RAD9B: variants seen among roughly 807,000 people sequenced by gnomAD.
RAD9B encodes RAD9 checkpoint clamp component B.
A neutral mutation model predicts 48.3 loss-of-function variants in RAD9B; 41 were observed. That is an observed-to-expected ratio of 0.85 (90% confidence interval 0.66 to 1.10). RAD9B has a LOEUF of 1.10. RAD9B is among the 50% of genes least tolerant of loss of function. The probability of loss-of-function intolerance (pLI) is 0.00; values close to 1 mark genes in which losing one functional copy is unlikely to be tolerated. For synonymous variants in RAD9B, 160 were observed against 157.9 expected (o/e 1.01, Z -0.10); for missense variants, 444 against 485.1 (o/e 0.92, Z 0.80).
At chr12:110,512,926 T>C (rs1244605342) in intron 5 of RAD9B, 48 bp downstream of exon 5, 3 of 915,410 alleles carry the variant, frequency 3.3e-6, no homozygotes, top group African/African-American at 1.7e-5. Flanking sequence ...TACAGTATGA[T>C]CATGGAGTGA....
chr12:110,515,209 C>G, intron 6 of RAD9B, 53 bp downstream of exon 6: 3 of 873,142 alleles, frequency 3.4e-6, no homozygotes, highest in Non-Finnish European at 5.5e-6. Context: ...TCCTGTCTCT[C>G]GATTACTAAC....
At chr12:110,529,945 T>C (rs2064078289) in intron 10 of RAD9B, among the ~76,000 whole-genome samples, 1 of 152,194 alleles carries the variant, frequency 6.6e-6, no homozygotes, top group Non-Finnish European at 1.5e-5. Context: ...CTCTCAGTTC[T>C]GGTGGAAGCT....
At chr12:110,517,509 A>G (rs890395805) in intron 6 of RAD9B, among the ~76,000 whole-genome samples, 9 of 152,012 alleles carry the variant, frequency 5.9e-5, no homozygotes, top group Admixed American at 5.2e-4. Flanking sequence ...CTATAGTCCC[A>G]GTTACTCAGG....
chr12:110,513,291 G>A (rs1593065091), intron 5 of RAD9B, among the ~76,000 whole-genome samples: 1 of 151,470 alleles, frequency 6.6e-6, no homozygotes, highest in Non-Finnish European at 1.5e-5. Context: ...TTTTTAAGCT[G>A]AAATTTGACT....
At position 110,522,261 on chromosome 12, in the gene RAD9B, G is replaced by T; in HGVS notation, c.975G>T (p.Arg325Ser). ...TTTCAAAAAAAGCAGCACCAAGAAGGCTTTATCCTAAGGAGACTCTCACAA... is the reference window on the plus strand; with the variant it reads ...TTTCAAAAAAAGCAGCACCAAGAAGTCTTTATCCTAAGGAGACTCTCACAA... ...ECISKKAAPR[R>S]LYPKETLTNI... is the part of the protein sequence containing the mutation. The change falls in exon 10 of 11, where the codon AGG (arginine) becomes AGT (serine). Residue 325 changes from arginine to serine, a missense_variant. Coordinates refer to ENST00000409300, the MANE Select transcript of RAD9B (RefSeq NM_001286535.2). The T allele has an allele frequency of 6.2e-7, 1 of 1,612,546 alleles. No homozygotes were observed. The highest frequency in any genetic ancestry group is 8.5e-7 in the Non-Finnish European group (1 of 1,179,334).
intron 4 of RAD9B, among the ~76,000 whole-genome samples, chr12:110,509,574 TG>T (rs2063399627): frequency 6.6e-6 from 1 of 152,146 alleles, no homozygotes; most frequent in East Asian, 1.9e-4. Flanking sequence ...ATGCCCAGCC[TG>T]GGATGGCAGT....
chr12:110,511,331 G>C (rs756295313), intron 4 of RAD9B: 1 of 206,338 alleles, frequency 4.8e-6, no homozygotes, highest in Non-Finnish European at 1.1e-5. Flanking sequence ...ATCAAGCTAA[G>C]TGTCTATTAG....
intron 10 of RAD9B, among the ~76,000 whole-genome samples, chr12:110,526,881 C>T (rs1357335402): frequency 6.7e-6 from 1 of 149,160 alleles, no homozygotes; most frequent in African/African-American, 2.5e-5. Flanking sequence ...CGCACTCCAG[C>T]CTAGGCGACA....
At chr12:110,506,106 G>A (rs1453453595) in intron 3 of RAD9B, among the ~76,000 whole-genome samples, 2 of 151,974 alleles carry the variant, frequency 1.3e-5, no homozygotes, top group Non-Finnish European at 2.9e-5. Flanking sequence ...GGCTGGTCTT[G>A]AACTCCTGAC....
rs185806287 is a variant in RAD9B at position 110,507,263 on chromosome 12, G to A, written c.388+570G>A. The stretch of plus-strand genomic sequence containing the variant: ...GTGGCACAAGCTTTGCCTGCATACA[G>A]CCTAATTTTTTTCAAATATCCGTAT... On this transcript the variant is annotated intron_variant, in intron 4 of 10. Transcript: ENST00000409300. Among the ~76,000 whole-genome samples the A allele has an allele frequency of 2.1e-3, 322 of 150,384 alleles. 1 individual carries two copies. Among genetic ancestry groups the A allele is most frequent in the African/African-American group, 7.6e-3 (310 of 40,954 alleles).
chr12:110,512,908 C>T, intron 5 of RAD9B, 30 bp downstream of exon 5: 2 of 1,039,558 alleles, frequency 1.9e-6, no homozygotes, highest in South Asian at 1.3e-5. Context: ...CAGTTTTTTT[C>T]ACCTGAATAC....
At chr12:110,510,453 G>A (rs544523513) in intron 4 of RAD9B, among the ~76,000 whole-genome samples, 2 of 152,300 alleles carry the variant, frequency 1.3e-5, no homozygotes, top group Non-Finnish European at 2.9e-5. Flanking sequence ...TGCACCATAA[G>A]TGTTATTGTG....
chr12:110,515,801 C>G (rs2063586437), intron 6 of RAD9B, among the ~76,000 whole-genome samples: 1 of 152,074 alleles, frequency 6.6e-6, no homozygotes, highest in Non-Finnish European at 1.5e-5. Context: ...AGTGAAAAAC[C>G]AGGGCTTAAG....
intron 4 of RAD9B, chr12:110,511,325 A>G (rs1251552131): frequency 5.0e-6 from 1 of 200,984 alleles, no homozygotes; most frequent in African/African-American, 2.3e-5. Context: ...TACGGAATCA[A>G]GCTAAGTGTC....
intron 6 of RAD9B, among the ~76,000 whole-genome samples, chr12:110,516,056 A>T (rs1050986525): frequency 1.3e-5 from 2 of 152,216 alleles, no homozygotes; most frequent in African/African-American, 4.8e-5. Flanking sequence ...GTGACACCTC[A>T]TCTTTACAAA....
chr12:110,509,710 C>T (rs974634090), intron 4 of RAD9B, among the ~76,000 whole-genome samples: 4 of 152,160 alleles, frequency 2.6e-5, no homozygotes, highest in Non-Finnish European at 5.9e-5. Flanking sequence ...AGACACTTCT[C>T]AGCTTGCACA....
At chr12:110,507,398 AATATATGTATTAAATATAATATATAAT>A (rs1403921277) in intron 4 of RAD9B, among the ~76,000 whole-genome samples, 97 of 143,104 alleles carry the variant, frequency 6.8e-4, no homozygotes, top group Admixed American at 1.4e-3. Context: ...TATAATATAT[AATATATGTATTAAATATAATATATAAT>A]ATATATGTAT....
intron 10 of RAD9B, among the ~76,000 whole-genome samples, chr12:110,528,105 A>G (rs972763476): frequency 1.3e-5 from 2 of 152,170 alleles, no homozygotes; most frequent in Non-Finnish European, 2.9e-5. Flanking sequence ...AAATATTTGA[A>G]TGGCTTTACC....
intron 4 of RAD9B, among the ~76,000 whole-genome samples, chr12:110,511,104 A>T (rs1249423118): frequency 6.6e-6 from 1 of 152,232 alleles, no homozygotes. Context: ...GAAAGAGAGT[A>T]ATAGAGATAT....
Sources: allele counts gnomAD v4.1 joint callset (sites outside exome capture counted in the v4.1 genomes callset), GRCh38; gene constraint gnomAD v4.1.1; transcripts MANE v1.5; gene names NCBI Gene and HGNC (gene_info 2026-07-23, HGNC 2026-07-21).